Variants in SUCLA2 observed in about 807,000 individuals in gnomAD.
The protein encoded by SUCLA2 is succinate-CoA ligase ADP-forming subunit beta.
A neutral mutation model predicts 54.8 loss-of-function variants in SUCLA2; 30 were observed. That is an observed-to-expected ratio of 0.55 (90% CI 0.41 to 0.74). The LOEUF (loss-of-function observed/expected upper bound fraction) is 0.74. Ranked by LOEUF, SUCLA2 falls within the 30% of genes least tolerant of loss-of-function variation. The probability of loss-of-function intolerance (pLI) is 0.00; values close to 1 mark genes in which losing one functional copy is unlikely to be tolerated. For missense variants in SUCLA2, 476 were observed against 562.9 expected, an observed-to-expected ratio of 0.85 and a Z score of 1.56; for synonymous variants, 172 against 188.9, an observed-to-expected ratio of 0.91 and a Z score of 0.74.
At chr13:47,980,225 G>C (rs1950049824) in intron 4 of SUCLA2, among the ~76,000 whole-genome samples, 1 of 152,010 alleles carries the variant, frequency 6.6e-6, no homozygotes, top group Admixed American at 6.6e-5. Context: ...GACCATCCTG[G>C]CTAACACGGT....
chr13:47,983,855 G>A (rs1950078210), intron 4 of SUCLA2, among the ~76,000 whole-genome samples: 1 of 151,894 alleles, frequency 6.6e-6, no homozygotes, highest in Non-Finnish European at 1.5e-5. Context: ...CCACAGAGAA[G>A]GCAACACGAG....
In SUCLA2 at chr13:47,988,902, T is replaced by C; in HGVS notation, c.351A>G (p.Gly117=). The C allele has an allele frequency of 6.2e-7, 1 of 1,612,990 alleles. No homozygotes were observed. Among genetic ancestry groups the C allele is most frequent in the Non-Finnish European group, 8.5e-7 (1 of 1,179,972 alleles). Residue 117 remains glycine, a synonymous_variant, in exon 3 of 11, where the codon GGA becomes GGG. Transcript: ENST00000646932. The part of the protein sequence containing the change: ...GKGTFESGLK[G]GVKIVFSPEE... ...CTTACGAGAAAACTATCTTCACTCCTCCTTTGAGGCCACTTTCAAATGTTC... is the reference window on the plus strand; with the variant it reads ...CTTACGAGAAAACTATCTTCACTCCCCCTTTGAGGCCACTTTCAAATGTTC...
chr13:47,995,758 C>A (rs2025703), intron 2 of SUCLA2, among the ~76,000 whole-genome samples: 14,614 of 152,196 alleles, frequency 0.096, 817 homozygotes, highest in South Asian at 0.18. Context: ...TAAAAAGAAA[C>A]TGCAGTGTAT....
At chr13:47,963,337 G>A (rs890963224) in intron 6 of SUCLA2, among the ~76,000 whole-genome samples, 6 of 152,160 alleles carry the variant, frequency 3.9e-5, no homozygotes, top group Non-Finnish European at 8.8e-5. Flanking sequence ...TATAAATTTG[G>A]AGATTTTTAA....
intron 10 of SUCLA2, among the ~76,000 whole-genome samples, chr13:47,948,703 T>A (rs1223723536): frequency 6.6e-6 from 1 of 152,168 alleles, no homozygotes; most frequent in African/African-American, 2.4e-5. Context: ...TTGGGCCCAA[T>A]CTTTCTCCCC....
chr13:47,971,941 G>A, intron 5 of SUCLA2: 1 of 398,424 alleles, frequency 2.5e-6, no homozygotes, highest in Non-Finnish European at 4.4e-6. Flanking sequence ...AAAGACCTAT[G>A]AGACTTATCA....
chr13:47,970,005 G>C (rs753253884), intron 5 of SUCLA2, among the ~76,000 whole-genome samples: 15 of 151,334 alleles, frequency 9.9e-5, no homozygotes, highest in Non-Finnish European at 1.9e-4. Context: ...GAGAGGCTGA[G>C]ACACAAAAAC....
In SUCLA2 at chr13:47,943,121, T is replaced by G; in HGVS notation, c.*250A>C. On this transcript the variant is annotated 3_prime_UTR_variant, in exon 11 of 11. Transcript: ENST00000646932. ...TAAACTGGCAAATTGCAAGTTACGT[T>G]TTGTAGGAGAAGCAAAAAAGACTGG... 2.2e-6 allele frequency: 1 copy of G among 460,130 alleles called. No individual in the cohort carries two copies. Among genetic ancestry groups the G allele is most frequent in the Non-Finnish European group, 3.9e-6 (1 of 254,136 alleles). The allele number at this position is 460,130 out of a possible 1,614,324, so 28.5% of individuals were successfully genotyped here.
chr13:47,998,770 G>A (rs9591128), intron 1 of SUCLA2, among the ~76,000 whole-genome samples: 9,578 of 152,228 alleles, frequency 0.063, 352 homozygotes, highest in Middle Eastern at 0.095. Flanking sequence ...GAGAGGACAT[G>A]AGAGCCTTCT....
chr13:47,995,644 CAAAGT>C (rs1304535001), intron 2 of SUCLA2, among the ~76,000 whole-genome samples: 2 of 151,866 alleles, frequency 1.3e-5, no homozygotes, highest in Non-Finnish European at 2.9e-5. Context: ...AATATAAAAG[CAAAGT>C]ATTCACCAAA....
intron 10 of SUCLA2, among the ~76,000 whole-genome samples, chr13:47,945,307 C>T (rs1204822325): frequency 6.9e-6 from 1 of 145,098 alleles, no homozygotes; most frequent in Non-Finnish European, 1.5e-5. Context: ...CCTGTAGTCT[C>T]AGCTACTCAG....
chr13:47,965,205 AT>A (rs1483788257), intron 6 of SUCLA2, among the ~76,000 whole-genome samples: 1 of 152,042 alleles, frequency 6.6e-6, no homozygotes, highest in African/African-American at 2.4e-5. Flanking sequence ...TAGTTAGAAA[AT>A]CATCAGCAGA....
At chr13:47,978,931 T>G (rs1030681468) in intron 4 of SUCLA2, among the ~76,000 whole-genome samples, 1 of 152,214 alleles carries the variant, frequency 6.6e-6, no homozygotes, top group Non-Finnish European at 1.5e-5. Flanking sequence ...TCATCACTGG[T>G]CATTAGAGAA....
chr13:47,954,778 C>T (rs1949805954), intron 6 of SUCLA2, among the ~76,000 whole-genome samples: 1 of 152,100 alleles, frequency 6.6e-6, no homozygotes. Context: ...TACATCCATG[C>T]TATGCACTAC....
At chr13:47,968,379 T>G (rs186051467) in intron 6 of SUCLA2, among the ~76,000 whole-genome samples, 19 of 152,274 alleles carry the variant, frequency 1.2e-4, no homozygotes, top group African/African-American at 4.1e-4. Context: ...CTATAAGGTG[T>G]TTGTTTTATT....
intron 5 of SUCLA2, among the ~76,000 whole-genome samples, chr13:47,969,294 T>C (rs1949942971): frequency 6.7e-6 from 1 of 150,336 alleles, no homozygotes; most frequent in Non-Finnish European, 1.5e-5. Context: ...TTTTGTATAA[T>C]TTATAAAGAG....
At chr13:47,991,848 T>C (rs887933655) in intron 2 of SUCLA2, among the ~76,000 whole-genome samples, 5 of 152,208 alleles carry the variant, frequency 3.3e-5, no homozygotes, top group African/African-American at 1.2e-4. Flanking sequence ...CCCTTTTCAA[T>C]TACCCTGTCT....
intron 10 of SUCLA2, among the ~76,000 whole-genome samples, chr13:47,946,537 A>T (rs1374081138): frequency 6.6e-6 from 1 of 151,944 alleles, no homozygotes; most frequent in African/African-American, 2.4e-5. Context: ...TATACTTTCC[A>T]CTTTGGAATC....
intron 4 of SUCLA2, among the ~76,000 whole-genome samples, chr13:47,974,857 G>A (rs1018692471): frequency 6.6e-6 from 1 of 152,124 alleles, no homozygotes; most frequent in Non-Finnish European, 1.5e-5. Flanking sequence ...CTACTGATCT[G>A]TAGTGGGTAA....
Sources: allele counts gnomAD v4.1 joint callset (sites outside exome capture counted in the v4.1 genomes callset), GRCh38; gene constraint gnomAD v4.1.1; transcripts MANE v1.5; gene names NCBI Gene and HGNC (gene_info 2026-07-23, HGNC 2026-07-21).